GRAMD1B: variants seen among roughly 807,000 people sequenced by gnomAD.
The protein encoded by GRAMD1B is GRAM domain containing 1B, also known as protein Aster-B.
GRAMD1B carries 37 observed loss-of-function variants against 99.7 expected under a neutral mutation model. The ratio of observed to expected loss-of-function variants is 0.37; its 90% CI spans 0.29 to 0.49. GRAMD1B has a LOEUF of 0.49. Among genes scored for constraint, GRAMD1B ranks in the 20% least tolerant of loss-of-function variants. The pLI is 0.98. For synonymous variants in GRAMD1B, 427 were observed against 387.6 expected, an observed-to-expected ratio of 1.10 and a Z score of -1.19; for missense variants, 888 against 1,009.2, an observed-to-expected ratio of 0.88 and a Z score of 1.63.
In GRAMD1B at chr11:123,591,703, G is replaced by A. The variant is rs1950668956; in HGVS notation, c.685-2379G>A. ...GGTGAGCCAGGCCCCGCCTTTGGGG[G>A]TGGAGGAGGGAGAGGGCTGGGGTCC... On this transcript the variant is annotated intron_variant, in intron 4 of 19. Coordinates refer to ENST00000635736, the MANE Select transcript of GRAMD1B (RefSeq NM_001387025.1). The surrounding 1 kb of genome is among the most constrained non-coding windows in gnomAD (Gnocchi z 4.7). Among the ~76,000 whole-genome samples, 1 of 152,238 alleles carries A rather than the reference G, an allele frequency of 6.6e-6. No homozygotes were observed.
chr11:123,406,151 A>G (rs1393815250), intron 1 of GRAMD1B, among the ~76,000 whole-genome samples: 1 of 151,654 alleles, frequency 6.6e-6, no homozygotes, highest in Non-Finnish European at 1.5e-5. Context: ...TTGAGTAGAG[A>G]CGGGTTTTCA....
intron 2 of GRAMD1B, among the ~76,000 whole-genome samples, chr11:123,565,898 T>A (rs1406491867): frequency 6.6e-6 from 1 of 152,224 alleles, no homozygotes; most frequent in African/African-American, 2.4e-5. Context: ...TAAGTTCTTA[T>A]GTTTGATTTT....
chr11:123,437,913 G>A (rs1373126292), intron 1 of GRAMD1B, among the ~76,000 whole-genome samples: 2 of 152,160 alleles, frequency 1.3e-5, no homozygotes, highest in Non-Finnish European at 2.9e-5. Context: ...CACTATTGGT[G>A]TAGCTTCTCC....
intron 2 of GRAMD1B, among the ~76,000 whole-genome samples, chr11:123,562,413 G>T (rs1389159305): frequency 6.6e-6 from 1 of 152,180 alleles, no homozygotes; most frequent in Non-Finnish European, 1.5e-5. Flanking sequence ...GTCAATACTG[G>T]AGGCCTTGTG....
chr11:123,591,521 G>T lies in GRAMD1B; in HGVS notation c.685-2561G>T. 2.5e-6 allele frequency: 1 copy of T among 398,968 alleles called. No homozygotes were observed. Among genetic ancestry groups the T allele is most frequent in the Non-Finnish European group, 4.4e-6 (1 of 226,080 alleles). 24.7% of individuals were successfully genotyped at this position (398,968 alleles called of 1,614,324 possible). A position where few individuals can be genotyped will look rare whatever the true frequency, so the allele number is the denominator to read the frequency against. On this transcript the variant is annotated intron_variant, in intron 4 of 19. Coordinates refer to ENST00000635736, the MANE Select transcript of GRAMD1B (RefSeq NM_001387025.1). The surrounding 1 kb of genome is among the most constrained non-coding windows in gnomAD (Gnocchi z 4.7). ...TGCCGCTGAACACCGTTGCTGGCAC[G>T]GATCTGAGGAAATCCCAGCCGTGAG...
At chr11:123,397,514 T>TA (rs1333354088) in intron 1 of GRAMD1B, among the ~76,000 whole-genome samples, 2 of 152,300 alleles carry the variant, frequency 1.3e-5, no homozygotes, top group African/African-American at 2.4e-5. Flanking sequence ...TATTCTAGAT[T>TA]AAAAAAATCT....
intron 14 of GRAMD1B, among the ~76,000 whole-genome samples, chr11:123,612,453 G>A (rs1365361933): frequency 1.3e-5 from 2 of 152,184 alleles, no homozygotes; most frequent in African/African-American, 2.4e-5. Flanking sequence ...GCAGGCTGCT[G>A]GGCCCTATGT....
At chr11:123,445,107 A>G (rs1258499328) in intron 1 of GRAMD1B, among the ~76,000 whole-genome samples, 1 of 152,214 alleles carries the variant, frequency 6.6e-6, no homozygotes, top group African/African-American at 2.4e-5. Context: ...CTCATACTAC[A>G]GGAAGTCTGT....
chr11:123,483,615 G>A (rs930368039), intron 2 of GRAMD1B, among the ~76,000 whole-genome samples: 1 of 151,996 alleles, frequency 6.6e-6, no homozygotes, highest in African/African-American at 2.4e-5. Flanking sequence ...CTCAACTCCT[G>A]AGGTCAAGTG....
chr11:123,460,852 C>T (rs1295715700), intron 1 of GRAMD1B, among the ~76,000 whole-genome samples: 6 of 152,132 alleles, frequency 3.9e-5, no homozygotes, highest in South Asian at 2.1e-4. Context: ...ATCCCCTGCT[C>T]CTACGTTTCC....
intron 1 of GRAMD1B, among the ~76,000 whole-genome samples, chr11:123,467,117 T>C (rs986148725): frequency 6.6e-6 from 1 of 151,988 alleles, no homozygotes; most frequent in African/African-American, 2.4e-5. Context: ...ATAAAGAATA[T>C]TTATTTATTT....
At chr11:123,377,107 C>T (rs1946715661) in intron 1 of GRAMD1B, among the ~76,000 whole-genome samples, 1 of 152,198 alleles carries the variant, frequency 6.6e-6, no homozygotes, top group Non-Finnish European at 1.5e-5. Flanking sequence ...AATTACACCT[C>T]CCTTTAAACA....
intron 2 of GRAMD1B, among the ~76,000 whole-genome samples, chr11:123,544,768 C>T (rs965699607): frequency 2.6e-5 from 4 of 152,382 alleles, no homozygotes; most frequent in Admixed American, 2.0e-4. Flanking sequence ...CACCAGGGCC[C>T]CCGGGCCCCA....
chr11:123,586,525 C>T (rs1015066850), intron 4 of GRAMD1B, among the ~76,000 whole-genome samples: 7 of 152,304 alleles, frequency 4.6e-5, no homozygotes, highest in East Asian at 1.9e-4. Flanking sequence ...TGGACTCATG[C>T]GGTCCCTCTG....
intron 2 of GRAMD1B, among the ~76,000 whole-genome samples, chr11:123,521,019 G>T (rs1942157661): frequency 6.6e-6 from 1 of 151,976 alleles, no homozygotes. Context: ...TTTTTGTTTT[G>T]CTTTTGCTGT....
intron 2 of GRAMD1B, among the ~76,000 whole-genome samples, chr11:123,575,953 A>G (rs1948660934): frequency 6.6e-6 from 1 of 152,042 alleles, no homozygotes. Flanking sequence ...TTCTCCATAC[A>G]TATTTGGGGC....
At chr11:123,379,800 A>T (rs117155739) in intron 1 of GRAMD1B, among the ~76,000 whole-genome samples, 2 of 152,210 alleles carry the variant, frequency 1.3e-5, no homozygotes, top group African/African-American at 4.8e-5. Flanking sequence ...CAGTGTAAGT[A>T]TATTGCATAT....
Position 123,492,285 on chromosome 11 carries a change from G to A in GRAMD1B, c.452+11392G>A, listed in dbSNP as rs772981349. On this transcript the variant is annotated intron_variant, in intron 2 of 19. Transcript: ENST00000635736. This position sits in a 1 kb window ranked among gnomAD's most constrained non-coding sequence, Gnocchi z 4.2. ...GAAAGGTGCGGTAGGGAACAGTGTA[G>A]TCTGCCTGTGTAGCATCCCCTGGAC... is the stretch of plus-strand genomic sequence containing the variant. 9.9e-5 allele frequency among the ~76,000 whole-genome samples: 15 copies of A among 152,170 alleles called. No homozygotes were observed. The highest frequency in any genetic ancestry group is 2.1e-4 in the South Asian group (1 of 4,818).
At chr11:123,614,318 A>T (rs908117360) in intron 16 of GRAMD1B, among the ~76,000 whole-genome samples, 2 of 152,158 alleles carry the variant, frequency 1.3e-5, no homozygotes, top group African/African-American at 4.8e-5. Context: ...TTTTGCATTT[A>T]AGATTTCTGA....
Sources: allele counts gnomAD v4.1 joint callset (sites outside exome capture counted in the v4.1 genomes callset), GRCh38; gene constraint gnomAD v4.1.1; non-coding constraint Gnocchi (gnomAD v3.1); transcripts MANE v1.5; gene names NCBI Gene and HGNC (gene_info 2026-07-23, HGNC 2026-07-21).